DTWD2: variants seen among roughly 807,000 people sequenced by gnomAD.
DTWD2 encodes the protein tRNA-uridine aminocarboxypropyltransferase 2.
DTWD2 carries 39 observed loss-of-function variants against 31.8 expected under a neutral mutation model. The ratio of observed to expected loss-of-function variants is 1.22; its 90% confidence interval spans 0.95 to 1.60. DTWD2 has a LOEUF of 1.60. Ranked by LOEUF, DTWD2 falls within the 40% of genes most tolerant of loss-of-function variation. The pLI is 0.00. For missense variants in DTWD2, 515 were observed against 381.5 expected, an observed-to-expected ratio of 1.35 and a Z score of -2.92; for synonymous variants, 180 against 142.8, an observed-to-expected ratio of 1.26 and a Z score of -1.86.
chr5:118,887,349 T>C (rs964517081), intron 4 of DTWD2, among the ~76,000 whole-genome samples: 2 of 152,160 alleles, frequency 1.3e-5, no homozygotes, highest in African/African-American at 4.8e-5. Context: ...TCTAGATAAT[T>C]GGCACTAAGT....
intron 3 of DTWD2, among the ~76,000 whole-genome samples, chr5:118,936,921 C>T (rs934786422): frequency 6.6e-6 from 1 of 151,990 alleles, no homozygotes; most frequent in South Asian, 2.1e-4. Context: ...ATTCTACAGA[C>T]ATGAAAATAA....
chr5:118,894,215 G>C (rs949626863), intron 4 of DTWD2, among the ~76,000 whole-genome samples: 4 of 152,064 alleles, frequency 2.6e-5, no homozygotes, highest in African/African-American at 9.7e-5. Flanking sequence ...TGATAGAAGA[G>C]CGACCCTTCT....
intron 5 of DTWD2, among the ~76,000 whole-genome samples, chr5:118,847,804 C>A (rs2112674790): frequency 6.6e-6 from 1 of 152,090 alleles, no homozygotes; most frequent in East Asian, 1.9e-4. Flanking sequence ...AAAGAAAAAT[C>A]TAGCCAAAAA....
chr5:118,900,072 G>T (rs144672922), intron 4 of DTWD2, among the ~76,000 whole-genome samples: 1 of 152,100 alleles, frequency 6.6e-6, no homozygotes, highest in East Asian at 1.9e-4. Context: ...CTCCCAAAGT[G>T]CTGGGATTAC....
intron 4 of DTWD2, among the ~76,000 whole-genome samples, chr5:118,865,520 T>A (rs562629354): frequency 6.6e-6 from 1 of 152,328 alleles, no homozygotes; most frequent in South Asian, 2.1e-4. Flanking sequence ...AGCTTAAAAT[T>A]TGAAACTTTA....
At chr5:118,864,050 G>A (rs1189851958) in intron 4 of DTWD2, among the ~76,000 whole-genome samples, 1 of 129,260 alleles carries the variant, frequency 7.7e-6, no homozygotes, top group African/African-American at 3.9e-5. Flanking sequence ...ACCTTATTTT[G>A]CAGAACCCTG....
At chr5:118,922,794 T>C (rs1005639046) in intron 4 of DTWD2, among the ~76,000 whole-genome samples, 3 of 152,204 alleles carry the variant, frequency 2.0e-5, no homozygotes, top group Non-Finnish European at 1.5e-5. Flanking sequence ...CCACGTCCTC[T>C]GAGGAACTTC....
At chr5:118,917,014 T>C (rs890843094) in intron 4 of DTWD2, among the ~76,000 whole-genome samples, 1 of 152,184 alleles carries the variant, frequency 6.6e-6, no homozygotes, top group African/African-American at 2.4e-5. Context: ...CCTCCCTTCA[T>C]CCTAACTTGG....
intron 1 of DTWD2, among the ~76,000 whole-genome samples, chr5:118,978,152 G>A (rs114731512): frequency 3.0e-4 from 46 of 151,842 alleles, no homozygotes; most frequent in African/African-American, 8.2e-4. Context: ...GTGGTGCTGG[G>A]AGAACTGGCT....
intron 4 of DTWD2, among the ~76,000 whole-genome samples, chr5:118,901,068 T>C (rs1753200155): frequency 6.6e-6 from 1 of 151,954 alleles, no homozygotes; most frequent in Non-Finnish European, 1.5e-5. Context: ...TCTGCAAAGA[T>C]TCAGCTACAT....
chr5:118,913,592 AT>A (rs1405101949), intron 4 of DTWD2, among the ~76,000 whole-genome samples: 1 of 151,930 alleles, frequency 6.6e-6, no homozygotes, highest in African/African-American at 2.4e-5. Flanking sequence ...ATTCTTAAGT[AT>A]ATGAGAGTTC....
chr5:118,987,602 T>C (rs772777996), intron 1 of DTWD2, among the ~76,000 whole-genome samples: 4 of 152,246 alleles, frequency 2.6e-5, no homozygotes, highest in Non-Finnish European at 4.4e-5. Flanking sequence ...ACATATTTGA[T>C]TGCTTGTTTG....
At chr5:118,887,190 G>C (rs908750517) in intron 4 of DTWD2, among the ~76,000 whole-genome samples, 14 of 152,058 alleles carry the variant, frequency 9.2e-5, no homozygotes, top group African/African-American at 3.4e-4. Context: ...AACTTGCTAG[G>C]GGGTCTTTTA....
intron 4 of DTWD2, among the ~76,000 whole-genome samples, chr5:118,873,796 G>A (rs1752562514): frequency 6.6e-6 from 1 of 152,162 alleles, no homozygotes; most frequent in African/African-American, 2.4e-5. Flanking sequence ...ACCTAGACCT[G>A]TACCAACCAG....
intron 1 of DTWD2, among the ~76,000 whole-genome samples, chr5:118,972,014 A>T (rs1470682964): frequency 6.6e-6 from 1 of 152,228 alleles, no homozygotes; most frequent in Non-Finnish European, 1.5e-5. Flanking sequence ...CCACATCAAA[A>T]AGCTAGTAAG....
chr5:118,891,726 C>T (rs1210497153), intron 4 of DTWD2, among the ~76,000 whole-genome samples: 5 of 152,136 alleles, frequency 3.3e-5, no homozygotes. Flanking sequence ...CTATAAGATA[C>T]ACTGAATGAC....
At position 118,836,925 on chromosome 5, in the gene DTWD2, G is replaced by A. The variant is rs1269519183; in HGVS notation, c.*3992C>T. 6.6e-6 allele frequency among the ~76,000 whole-genome samples: 1 copy of A among 152,166 alleles called. No individual in the cohort carries two copies. Among genetic ancestry groups the A allele is most frequent in the Non-Finnish European group, 1.5e-5 (1 of 68,010 alleles). ...GGTATTCTGAGAGAGCAGCCAGAAT[G>A]GACTAAGACAGGAGTCAAGTGATCA... On this transcript the variant is annotated 3_prime_UTR_variant, in exon 6 of 6. Coordinates refer to ENST00000510708, the MANE Select transcript of DTWD2 (RefSeq NM_173666.4).
chr5:118,932,926 C>G (rs1308194630), intron 3 of DTWD2, among the ~76,000 whole-genome samples: 3 of 151,686 alleles, frequency 2.0e-5, no homozygotes, highest in African/African-American at 7.3e-5. Flanking sequence ...TAAAACTACA[C>G]CTGAGGTAAT....
chr5:118,973,815 A>C, intron 1 of DTWD2: 1 of 1,612,372 alleles, frequency 6.2e-7, no homozygotes. Flanking sequence ...GCAGCCGTAG[A>C]CACCAGCTCC....
Sources: allele counts gnomAD v4.1 joint callset (sites outside exome capture counted in the v4.1 genomes callset), GRCh38; gene constraint gnomAD v4.1.1; transcripts MANE v1.5; gene names NCBI Gene and HGNC (gene_info 2026-07-23, HGNC 2026-07-21).